Variants in ENPP3 observed in about 807,000 individuals in gnomAD.
ENPP3 encodes ectonucleotide pyrophosphatase/phosphodiesterase family member 3.
A neutral mutation model predicts 117.8 loss-of-function variants in ENPP3; 104 were observed. The ratio of observed to expected loss-of-function variants is 0.88; its 90% CI spans 0.75 to 1.04. The LOEUF is 1.04. Ranked by LOEUF, ENPP3 falls within the 50% of genes least tolerant of loss-of-function variation. ENPP3 has a pLI of 0.00. For missense variants in ENPP3, 1,026 were observed against 1,051.9 expected, an observed-to-expected ratio of 0.98 and a Z score of 0.34; for synonymous variants, 380 against 349.9, an observed-to-expected ratio of 1.09 and a Z score of -0.96.
At chr6:131,660,341 G>A (rs552783026) in intron 6 of ENPP3, among the ~76,000 whole-genome samples, 65 of 152,310 alleles carry the variant, frequency 4.3e-4, no homozygotes, top group South Asian at 1.2e-3. Context: ...CATGTAAACT[G>A]AGCCTAAACA....
intron 20 of ENPP3, among the ~76,000 whole-genome samples, chr6:131,727,555 CAAAAAAAAAAAA>C (rs773470669): frequency 1.9e-5 from 1 of 52,264 alleles, no homozygotes; most frequent in Non-Finnish European, 4.3e-5. Context: ...AAGTCCATCT[CAAAAAAAAAAAA>C]AAAAAAAAAA....
At chr6:131,716,497 G>T (rs1344753624) in intron 15 of ENPP3, among the ~76,000 whole-genome samples, 1 of 151,426 alleles carries the variant, frequency 6.6e-6, no homozygotes, top group Non-Finnish European at 1.5e-5. Context: ...CATAGTACGA[G>T]CATTAGAAAA....
rs1780379267 is a variant in ENPP3 at position 131,735,599 on chromosome 6, A to T, written c.2090-1756A>T. 2.6e-5 allele frequency among the ~76,000 whole-genome samples: 4 copies of T among 152,090 alleles called. No homozygotes were observed. The South Asian group carries it at 6.3e-4, about 24-fold the overall frequency. On this transcript the variant is annotated intron_variant, in intron 21 of 24. Coordinates refer to ENST00000357639, the MANE Select transcript of ENPP3 (RefSeq NM_005021.5). Reference sequence around the variant, plus strand: ...GCCAGACTCTGCCTTAATAGTAATTAAAAAAAATAATTAGTTAAGATATCC... The same window carrying T: ...GCCAGACTCTGCCTTAATAGTAATTTAAAAAAATAATTAGTTAAGATATCC...
intron 14 of ENPP3, 148 bp from the exon 15 acceptor site, chr6:131,693,349 G>C (rs1779331304): frequency 3.1e-6 from 2 of 635,082 alleles, no homozygotes; most frequent in South Asian, 2.2e-5. Flanking sequence ...TGACTACATT[G>C]ATAATAGGTT....
Position 131,686,845 on chromosome 6 carries a change from A to G in ENPP3, c.1284+938A>G, listed in dbSNP as rs551869901. 3.8e-4 allele frequency among the ~76,000 whole-genome samples: 58 copies of G among 152,276 alleles called. No homozygotes were observed. In the South Asian group the frequency reaches 0.012, roughly 30 times the overall value. ...ATGGTGCTGCAAAGGACATGATTTCATTCTTTTTTTATGGCTGCATAGTAT... is the reference window on the plus strand; with the variant it reads ...ATGGTGCTGCAAAGGACATGATTTCGTTCTTTTTTTATGGCTGCATAGTAT... On this transcript the variant is annotated intron_variant, in intron 14 of 24. Coordinates refer to ENST00000357639, the MANE Select transcript of ENPP3 (RefSeq NM_005021.5).
chr6:131,656,920 C>T (rs1778397352), intron 5 of ENPP3, among the ~76,000 whole-genome samples: 1 of 151,992 alleles, frequency 6.6e-6, no homozygotes, highest in Non-Finnish European at 1.5e-5. Flanking sequence ...GCAAGCTGGC[C>T]ATTAAAAAAG....
intron 14 of ENPP3, 60 bp from the exon 15 acceptor site, chr6:131,693,437 A>T: frequency 6.8e-7 from 1 of 1,467,994 alleles, no homozygotes; most frequent in Non-Finnish European, 9.3e-7. Flanking sequence ...TAGAAGATGA[A>T]CTTTTAAAAT....
intron 8 of ENPP3, among the ~76,000 whole-genome samples, chr6:131,674,731 A>C (rs890039218): frequency 3.3e-4 from 50 of 151,710 alleles, no homozygotes; most frequent in Admixed American, 2.6e-3. Context: ...CACCACGCCC[A>C]GCTAATTTTT....
At chr6:131,711,427 C>T (rs1233711603) in intron 15 of ENPP3, among the ~76,000 whole-genome samples, 1 of 147,870 alleles carries the variant, frequency 6.8e-6, no homozygotes, top group African/African-American at 2.6e-5. Context: ...GATATGCATA[C>T]AGACACTCTT....
In ENPP3 at chr6:131,675,188, G is replaced by C. The variant is rs751294894; in HGVS notation, c.871G>C (p.Gly291Arg). The change falls in exon 9 of 25, where the codon GGA becomes CGA. Residue 291 changes from glycine (G) to arginine (R), a missense_variant and splice_region_variant. By Grantham distance (125) the Gly-to-Arg change is moderately radical (BLOSUM62 -2). Transcript: ENST00000357639. ...TCCTTCCATATACATGCCTTACAAC[G>C]GGTAGTGAAGCACTTTCAGATATTC... The part of the protein sequence containing the change: ...SFPSIYMPYN[G>R]SVPFEERIST... 1.3e-6 allele frequency: 2 copies of C among 1,520,338 alleles called. No homozygotes were observed. Among genetic ancestry groups the C allele is most frequent in the Non-Finnish European group, 1.8e-6 (2 of 1,094,844 alleles). 94.2% of individuals were successfully genotyped at this position (1,520,338 alleles called of 1,614,324 possible).
chr6:131,700,261 G>C lies in ENPP3; in HGVS notation c.1412+6637G>C, dbSNP rs1223471271. 6 of 210,714 alleles carry C rather than the reference G, an allele frequency of 2.8e-5. 1 individual carries two copies. In the East Asian group the frequency reaches 6.7e-4, roughly 24 times the overall value. The allele number at this position is 210,714 out of a possible 1,614,324, so 13.1% of individuals were successfully genotyped here. A position where few individuals can be genotyped will look rare whatever the true frequency, so the allele number is the denominator to read the frequency against. ...GTGTGGAGTGGCTGCAGCACAACTT[G>C]AAGAGATCAATTTCTAGAATTTCAT... On this transcript the variant is annotated intron_variant, in intron 15 of 24. Coordinates refer to ENST00000357639, the MANE Select transcript of ENPP3 (RefSeq NM_005021.5).
intron 24 of ENPP3, among the ~76,000 whole-genome samples, chr6:131,744,763 G>T (rs1334506145): frequency 6.6e-6 from 1 of 151,124 alleles, no homozygotes; most frequent in Non-Finnish European, 1.5e-5. Context: ...TTGTATTTTG[G>T]GGATATACAA....
intron 11 of ENPP3, among the ~76,000 whole-genome samples, chr6:131,679,022 CTTCCTTCT>C (rs1562446844): frequency 1.5e-4 from 9 of 59,100 alleles, no homozygotes; most frequent in African/African-American, 5.4e-4. Context: ...TCCTTCCTTC[CTTCCTTCT>C]TTCTTTCTTT....
chr6:131,650,229 C>CT (rs1016026801), intron 3 of ENPP3, 80 bp downstream of exon 3: 192 of 1,503,868 alleles, frequency 1.3e-4, no homozygotes, highest in Admixed American at 3.1e-4. Context: ...CTTTTCTTTC[C>CT]TTTTTTTTGA....
intron 15 of ENPP3, chr6:131,710,781 A>C (rs769751774): frequency 1.9e-6 from 3 of 1,613,320 alleles, no homozygotes; most frequent in East Asian, 4.5e-5. Flanking sequence ...AAAGCGTTGC[A>C]CCAAGTTTTT....
intron 15 of ENPP3, among the ~76,000 whole-genome samples, chr6:131,717,669 A>G (rs936849904): frequency 3.9e-5 from 6 of 152,200 alleles, no homozygotes; most frequent in Non-Finnish European, 2.9e-5. Flanking sequence ...AAATTTATTC[A>G]AATAATAAAG....
At chr6:131,720,600 G>A (rs1291579901) in intron 17 of ENPP3, among the ~76,000 whole-genome samples, 2 of 152,066 alleles carry the variant, frequency 1.3e-5, no homozygotes, top group Non-Finnish European at 2.9e-5. Flanking sequence ...TTTCATTTTT[G>A]AGATGGAGTC....
intron 24 of ENPP3, among the ~76,000 whole-genome samples, chr6:131,742,779 A>G (rs1482965215): frequency 1.3e-5 from 2 of 152,122 alleles, no homozygotes; most frequent in Non-Finnish European, 2.9e-5. Flanking sequence ...ACTGTTGCCT[A>G]TGTTCTTCTC....
At chr6:131,686,205 C>T (rs79832956) in intron 14 of ENPP3, among the ~76,000 whole-genome samples, 1 of 152,124 alleles carries the variant, frequency 6.6e-6, no homozygotes, top group Admixed American at 6.5e-5. Flanking sequence ...CAGGTAGCAT[C>T]GTCTTTCTCA....
Sources: gnomAD v4.1 joint callset for allele counts (sites outside exome capture counted in the v4.1 genomes callset) on GRCh38, gnomAD v4.1.1 for gene constraint, MANE v1.5 for transcripts, NCBI Gene and HGNC (gene_info 2026-07-23, HGNC 2026-07-21) for gene names.